Variants in SLC30A8 observed in about 807,000 individuals in gnomAD.
SLC30A8 encodes the protein solute carrier family 30 member 8, also known as proton-coupled zinc antiporter SLC30A8.
SLC30A8 carries 27 observed loss-of-function variants against 36.9 expected under a neutral mutation model. That is an observed-to-expected ratio of 0.73 (90% CI 0.54 to 1.01). SLC30A8 has a LOEUF of 1.01. SLC30A8 is among the 50% of genes least tolerant of loss of function. The pLI is 0.00. For synonymous variants in SLC30A8, 164 were observed against 172.4 expected (o/e 0.95, Z 0.38); for missense variants, 439 against 452.0 (o/e 0.97, Z 0.26).
intron 1 of SLC30A8, among the ~76,000 whole-genome samples, chr8:116,987,795 A>G (rs532958146): frequency 6.6e-5 from 10 of 152,282 alleles, no homozygotes; most frequent in African/African-American, 2.2e-4. Flanking sequence ...TCCTGAACTC[A>G]AGCAATTCTC....
chr8:117,011,349 C>T (rs1269888518), intron 1 of SLC30A8, among the ~76,000 whole-genome samples: 1 of 152,164 alleles, frequency 6.6e-6, no homozygotes, highest in South Asian at 2.1e-4. Context: ...AGGTTGTGTC[C>T]TCTTTGCCTG....
intron 1 of SLC30A8, among the ~76,000 whole-genome samples, chr8:117,142,434 A>G (rs1270844796): frequency 1.3e-5 from 2 of 152,124 alleles, no homozygotes; most frequent in African/African-American, 4.8e-5. Flanking sequence ...AAAACTTTCC[A>G]AATTTTTCCT....
At position 117,161,832 on chromosome 8, in the gene SLC30A8, G is replaced by A; in HGVS notation, c.667G>A (p.Gly223Arg). 6.2e-7 allele frequency: 1 copy of A among 1,613,910 alleles called. No individual in the cohort carries two copies. The highest frequency in any genetic ancestry group is 8.5e-7 in the Non-Finnish European group (1 of 1,179,880). Residue 223 changes from glycine to arginine, a missense_variant, in exon 5 of 8, where the codon GGA becomes AGA. Physicochemically the swap from Gly to Arg is moderately radical, Grantham distance 125. Coordinates refer to ENST00000456015, the MANE Select transcript of SLC30A8 (RefSeq NM_173851.3). ...SVRAAFVHALGDLFQSISVLI... is the reference protein window; with the variant it reads ...SVRAAFVHALRDLFQSISVLI... Reference sequence around the variant, plus strand: ...CAGAGCTGCTTTTGTGCATGCCCTTGGAGATCTATTTCAGAGTATCAGTGT... The same window carrying A: ...CAGAGCTGCTTTTGTGCATGCCCTTAGAGATCTATTTCAGAGTATCAGTGT...
intron 1 of SLC30A8, among the ~76,000 whole-genome samples, chr8:117,027,764 T>C (rs980578950): frequency 6.6e-6 from 1 of 151,668 alleles, no homozygotes; most frequent in Non-Finnish European, 1.5e-5. Flanking sequence ...TAGGTTTTTC[T>C]TTTTGTTTTT....
chr8:116,965,861 A>G (rs920302894), intron 1 of SLC30A8, among the ~76,000 whole-genome samples: 7 of 151,642 alleles, frequency 4.6e-5, no homozygotes, highest in African/African-American at 1.5e-4. Context: ...GCTCTTCCCT[A>G]ACAATATTTT....
intron 1 of SLC30A8, among the ~76,000 whole-genome samples, chr8:116,986,115 T>G (rs1229167965): frequency 6.6e-6 from 1 of 152,158 alleles, no homozygotes; most frequent in Non-Finnish European, 1.5e-5. Flanking sequence ...CAGGAACACC[T>G]AGTGGTTATT....
chr8:117,114,027 C>G (rs1820339795), intron 2 of SLC30A8, among the ~76,000 whole-genome samples: 1 of 152,212 alleles, frequency 6.6e-6, no homozygotes, highest in East Asian at 1.9e-4. Flanking sequence ...GTCATGAGAC[C>G]TCCCAGATGT....
chr8:117,077,981 AAGGACTCAGTGAAAAAGTG>A (rs1818543082), intron 2 of SLC30A8, among the ~76,000 whole-genome samples: 1 of 152,184 alleles, frequency 6.6e-6, no homozygotes, highest in Admixed American at 6.5e-5. Context: ...GTTGGATATT[AAGGACTCAGTGAAAAAGTG>A]ATGAAGATTT....
chr8:117,063,102 G>A (rs1445800028), intron 2 of SLC30A8, among the ~76,000 whole-genome samples: 1 of 152,244 alleles, frequency 6.6e-6, no homozygotes. Flanking sequence ...TGTAATCAGC[G>A]GCTAGGGCTT....
At chr8:117,160,446 T>C (rs867018971) in intron 4 of SLC30A8, among the ~76,000 whole-genome samples, 63 of 144,618 alleles carry the variant, frequency 4.4e-4, no homozygotes, top group Middle Eastern at 3.6e-3. Flanking sequence ...CGCGCACATG[T>C]GCGCGCGGTG....
intron 2 of SLC30A8, among the ~76,000 whole-genome samples, chr8:117,068,703 G>C (rs1033824682): frequency 2.0e-5 from 3 of 151,942 alleles, no homozygotes; most frequent in Non-Finnish European, 4.4e-5. Flanking sequence ...CAGCTGCCCA[G>C]GTAGTTGGGA....
intron 6 of SLC30A8, among the ~76,000 whole-genome samples, chr8:117,165,198 T>G (rs943674213): frequency 6.6e-6 from 1 of 152,196 alleles, no homozygotes; most frequent in African/African-American, 2.4e-5. Context: ...CTTCAGTTTC[T>G]CAACTCAAAA....
chr8:117,043,182 A>T (rs745389000), intron 2 of SLC30A8, among the ~76,000 whole-genome samples: 2 of 152,194 alleles, frequency 1.3e-5, no homozygotes, highest in Non-Finnish European at 2.9e-5. Flanking sequence ...AAAAATGTAG[A>T]GTTTTCACTC....
intron 2 of SLC30A8, among the ~76,000 whole-genome samples, chr8:117,041,323 C>T (rs908282030): frequency 4.6e-5 from 7 of 152,140 alleles, no homozygotes; most frequent in Non-Finnish European, 7.4e-5. Flanking sequence ...AAACACTTTC[C>T]GAGTTTCATC....
intron 1 of SLC30A8, among the ~76,000 whole-genome samples, chr8:117,009,749 T>C (rs547782214): frequency 3.9e-5 from 6 of 152,336 alleles, no homozygotes; most frequent in African/African-American, 1.4e-4. Context: ...ATGAAGGCCT[T>C]CTTCTCAGCT....
At chr8:116,988,898 A>T (rs1411433490) in intron 1 of SLC30A8, among the ~76,000 whole-genome samples, 2 of 152,184 alleles carry the variant, frequency 1.3e-5, no homozygotes. Context: ...TCCCATTCAT[A>T]TAGATTTTCA....
At chr8:117,143,665 A>AACACACACACACACACACAC (rs58613241) in intron 1 of SLC30A8, among the ~76,000 whole-genome samples, 11 of 146,190 alleles carry the variant, frequency 7.5e-5, no homozygotes, top group Non-Finnish European at 7.5e-5. Context: ...TCTCCCATAA[A>AACACACACACACACACACAC]ACACACACAC....
chr8:117,144,718 G>A (rs1821819206), intron 1 of SLC30A8, among the ~76,000 whole-genome samples: 1 of 152,108 alleles, frequency 6.6e-6, no homozygotes, highest in South Asian at 2.1e-4. Context: ...TTCAGAATCT[G>A]TATCTTTGGT....
At chr8:117,042,968 G>A (rs112033962) in intron 2 of SLC30A8, among the ~76,000 whole-genome samples, 1,706 of 152,250 alleles carry the variant, frequency 0.011, 34 homozygotes, top group African/African-American at 0.037. Flanking sequence ...GAGCCACCGC[G>A]CCCAGGCTAA....
Sources: allele counts gnomAD v4.1 joint callset (sites outside exome capture counted in the v4.1 genomes callset), GRCh38; gene constraint gnomAD v4.1.1; transcripts MANE v1.5; gene names NCBI Gene and HGNC (gene_info 2026-07-23, HGNC 2026-07-21).